Variants in SH3BGR observed in about 807,000 individuals in gnomAD.
The protein encoded by SH3BGR is SH3 domain-binding glutamic acid-rich protein.
Under a neutral mutation model 24.5 loss-of-function variants are expected in SH3BGR, and 29 were observed. The observed-to-expected ratio is 1.18, with a 90% CI of 0.88 to 1.61. The LOEUF (loss-of-function observed/expected upper bound fraction) is 1.61, where lower values mean the gene tolerates loss of function less well. Among genes scored for constraint, SH3BGR ranks in the 40% most tolerant of loss-of-function variants. SH3BGR has a pLI of 0.00. For synonymous variants in SH3BGR, 55 were observed against 65.7 expected (o/e 0.84, Z 0.79); for missense variants, 162 against 205.8 (o/e 0.79, Z 1.30).
intron 1 of SH3BGR, among the ~76,000 whole-genome samples, chr21:39,454,779 C>T (rs2077628587): frequency 6.6e-6 from 1 of 152,186 alleles, no homozygotes; most frequent in Non-Finnish European, 1.5e-5. Flanking sequence ...ATTGGAGCCT[C>T]AGCATTGTTA....
upstream of SH3BGR, among the ~76,000 whole-genome samples, chr21:39,450,456 A>G (rs1294421709): frequency 6.6e-6 from 1 of 152,174 alleles, no homozygotes; most frequent in Non-Finnish European, 1.5e-5. Flanking sequence ...GCAGGCACCT[A>G]CCTGAGGGGG....
At chr21:39,474,671 G>T (rs1602106427) in intron 2 of SH3BGR, among the ~76,000 whole-genome samples, 1 of 152,054 alleles carries the variant, frequency 6.6e-6, no homozygotes, top group East Asian at 1.9e-4. Context: ...GTCCCCCATG[G>T]TCTTGTGCCT....
At chr21:39,461,386 C>G in intron 1 of SH3BGR, among the ~76,000 whole-genome samples, 1 of 152,128 alleles carries the variant, frequency 6.6e-6, no homozygotes, top group Admixed American at 6.5e-5. Flanking sequence ...ATCTGTCCAC[C>G]TTGGCCTCCT....
At chr21:39,490,691 G>A (rs1420108491) in intron 3 of SH3BGR, among the ~76,000 whole-genome samples, 2 of 148,250 alleles carry the variant, frequency 1.3e-5, no homozygotes, top group Non-Finnish European at 3.0e-5. Context: ...CTATGTCTTT[G>A]TTTTTATAAT....
At chr21:39,507,177 G>A (rs1208918116) in intron 4 of SH3BGR, among the ~76,000 whole-genome samples, 30 of 152,102 alleles carry the variant, frequency 2.0e-4, no homozygotes, top group Non-Finnish European at 1.5e-5. Flanking sequence ...AAGTCCTCTT[G>A]GCCTGATTCA....
At chr21:39,495,599 C>T (rs2078380387) in intron 3 of SH3BGR, among the ~76,000 whole-genome samples, 1 of 151,888 alleles carries the variant, frequency 6.6e-6, no homozygotes, top group African/African-American at 2.4e-5. Flanking sequence ...CTTGTCTTAG[C>T]CTCCCAAGTA....
chr21:39,452,142 G>A lies in SH3BGR; in HGVS notation c.45+1G>A. 3 of 1,614,166 alleles carry A rather than the reference G, an allele frequency of 1.9e-6. No homozygotes were observed. The highest frequency in any genetic ancestry group is 2.5e-6 in the Non-Finnish European group (3 of 1,179,998). ...TGCTACATCTTCTGGGTCCATAGCG[G>A]TAGGTGTCTGGTGGACTCTTTCTTC... On this transcript the variant is annotated splice_donor_variant, in intron 1 of 6. Coordinates refer to ENST00000333634, the MANE Select transcript of SH3BGR (RefSeq NM_007341.3). LOFTEE classifies it high-confidence loss of function.
chr21:39,493,328 A>T (rs1472960291), intron 3 of SH3BGR, among the ~76,000 whole-genome samples: 2 of 152,128 alleles, frequency 1.3e-5, no homozygotes, highest in Admixed American at 6.5e-5. Flanking sequence ...TCATTCTCCT[A>T]CATGTGGCTT....
intron 3 of SH3BGR, among the ~76,000 whole-genome samples, chr21:39,486,310 A>G (rs1795796219): frequency 6.6e-6 from 1 of 152,240 alleles, no homozygotes; most frequent in Non-Finnish European, 1.5e-5. Context: ...ACGAAACTAT[A>G]AAATCAACCC....
intron 3 of SH3BGR, among the ~76,000 whole-genome samples, chr21:39,480,376 C>T (rs1349960082): frequency 6.6e-6 from 1 of 152,188 alleles, no homozygotes; most frequent in African/African-American, 2.4e-5. Flanking sequence ...CCTAGGGAAC[C>T]ACTCAAATGC....
intron 1 of SH3BGR, among the ~76,000 whole-genome samples, chr21:39,462,055 G>C (rs2077764154): frequency 6.6e-6 from 1 of 152,036 alleles, no homozygotes; most frequent in African/African-American, 2.4e-5. Flanking sequence ...CACCACGTTG[G>C]TCAAGCTGGT....
chr21:39,488,293 T>C (rs576459621), intron 3 of SH3BGR: 1 of 185,070 alleles, frequency 5.4e-6, no homozygotes, highest in East Asian at 1.3e-4. Flanking sequence ...TGATGCATTC[T>C]GGCCTGTAGC....
chr21:39,477,858 G>C (rs1408202832), intron 3 of SH3BGR, among the ~76,000 whole-genome samples: 7 of 152,148 alleles, frequency 4.6e-5, no homozygotes, highest in Non-Finnish European at 8.8e-5. Flanking sequence ...ATTTTTGTGT[G>C]ATATTTTATT....
intron 3 of SH3BGR, among the ~76,000 whole-genome samples, chr21:39,477,211 G>A (rs1290097503): frequency 6.6e-6 from 1 of 152,036 alleles, no homozygotes; most frequent in Non-Finnish European, 1.5e-5. Context: ...TCATAAACAT[G>A]TTTATGCTAT....
intron 3 of SH3BGR, among the ~76,000 whole-genome samples, chr21:39,493,142 T>G (rs2078332933): frequency 6.6e-6 from 1 of 152,224 alleles, no homozygotes; most frequent in Non-Finnish European, 1.5e-5. Flanking sequence ...GCTATTTATC[T>G]TTGTTTTTAT....
At chr21:39,459,188 C>A (rs1356915862) in intron 1 of SH3BGR, among the ~76,000 whole-genome samples, 3 of 151,876 alleles carry the variant, frequency 2.0e-5, no homozygotes, top group African/African-American at 7.3e-5. Context: ...CCCTCCCTCT[C>A]TCCCTACCTA....
chr21:39,491,302 A>G (rs946322338), intron 3 of SH3BGR, among the ~76,000 whole-genome samples: 2 of 151,602 alleles, frequency 1.3e-5, no homozygotes, highest in Non-Finnish European at 3.0e-5. Flanking sequence ...GGCGGGTGCC[A>G]CCACACTGGG....
intron 3 of SH3BGR, among the ~76,000 whole-genome samples, chr21:39,479,475 T>A (rs1250132948): frequency 6.6e-6 from 1 of 151,474 alleles, no homozygotes; most frequent in Non-Finnish European, 1.5e-5. Context: ...TTGGTGTTGG[T>A]GGTGGTGATG....
intron 3 of SH3BGR, among the ~76,000 whole-genome samples, chr21:39,482,211 C>G (rs932584510): frequency 6.6e-6 from 1 of 152,110 alleles, no homozygotes; most frequent in African/African-American, 2.4e-5. Context: ...AATAATATCA[C>G]AAAGAAAGAA....
Sources: gnomAD v4.1 joint callset for allele counts (sites outside exome capture counted in the v4.1 genomes callset) on GRCh38, gnomAD v4.1.1 for gene constraint, MANE v1.5 for transcripts, NCBI Gene and HGNC (gene_info 2026-07-23, HGNC 2026-07-21) for gene names.